The following CFAP61 variants were observed in gnomAD, a reference collection of about 807,000 sequenced individuals.
The protein encoded by CFAP61 is cilia and flagella associated protein 61.
CFAP61 carries 107 observed loss-of-function variants against 135.6 expected under a neutral mutation model. The observed-to-expected ratio is 0.79, with a 90% CI of 0.67 to 0.93. CFAP61 has a LOEUF of 0.93. Among genes scored for constraint, CFAP61 ranks in the 40% least tolerant of loss-of-function variants. The pLI is 0.00. For synonymous variants in CFAP61, 575 were observed against 578.5 expected, an observed-to-expected ratio of 0.99 and a Z score of 0.09; for missense variants, 1,507 against 1,556.2, an observed-to-expected ratio of 0.97 and a Z score of 0.53.
At chr20:20,357,117 G>A (rs1233755581) in intron 26 of CFAP61, among the ~76,000 whole-genome samples, 1 of 116,760 alleles carries the variant, frequency 8.6e-6, no homozygotes, top group African/African-American at 2.9e-5. Flanking sequence ...CATACTGTGA[G>A]TGAGGAGGTA....
rs149012562 is a variant in CFAP61, at chr20:20,093,068, C to CT, written c.699+2093dup. 4.7e-3 allele frequency among the ~76,000 whole-genome samples: 713 copies of CT among 152,320 alleles called. 4 individuals carry two copies. The highest frequency in any genetic ancestry group is 0.016 in the African/African-American group (682 of 41,574). ...CAAAAAGTGGAGACAGCCCAAATGT[C>CT]TATCTACTGATGAATAGATAAACAA... is the stretch of plus-strand genomic sequence containing the variant. On this transcript the variant is annotated intron_variant, in intron 7 of 26. Coordinates refer to ENST00000245957, the MANE Select transcript of CFAP61 (RefSeq NM_015585.4).
chr20:20,266,565 T>A (rs1377166639), intron 21 of CFAP61, among the ~76,000 whole-genome samples: 1 of 152,218 alleles, frequency 6.6e-6, no homozygotes. Context: ...ACTTTTTGCA[T>A]TCGGCCTACC....
At chr20:20,337,571 TGG>T in intron 25 of CFAP61, among the ~76,000 whole-genome samples, 1 of 1,954 alleles carries the variant, frequency 5.1e-4, no homozygotes, top group Non-Finnish European at 5.4e-3. Flanking sequence ...GATGGATGGA[TGG>T]ATGGATAGAT....
At position 20,157,514 on chromosome 20, in the gene CFAP61, T is replaced by C. The variant is rs573664954; in HGVS notation, c.952-1856T>C. 6.6e-5 allele frequency among the ~76,000 whole-genome samples: 10 copies of C among 152,364 alleles called. No individual in the cohort carries two copies. In the South Asian group the frequency reaches 2.1e-3, roughly 32 times the overall value. On this transcript the variant is annotated intron_variant, in intron 9 of 26. Coordinates refer to ENST00000245957, the MANE Select transcript of CFAP61 (RefSeq NM_015585.4). ...TTTTTGACAAAGGCACATGGCAATG[T>C]AGTGGAGAAAGAATAGTCTTTTCTC... is the stretch of plus-strand genomic sequence containing the variant.
At chr20:20,280,681 A>G (rs2147049243) in intron 22 of CFAP61, among the ~76,000 whole-genome samples, 1 of 152,282 alleles carries the variant, frequency 6.6e-6, no homozygotes, top group Non-Finnish European at 1.5e-5. Context: ...CCTGCTATGC[A>G]CATTCTGGTA....
At chr20:20,329,949 C>T (rs950786730) in intron 25 of CFAP61, among the ~76,000 whole-genome samples, 8 of 152,296 alleles carry the variant, frequency 5.3e-5, no homozygotes, top group East Asian at 1.9e-4. Context: ...TTTACATGTC[C>T]GTCATCTCTT....
chr20:20,233,538 T>TGGTGCAGAGGCTGGTCTGGTGGCC (rs1601540403), intron 18 of CFAP61, among the ~76,000 whole-genome samples: 1 of 152,268 alleles, frequency 6.6e-6, no homozygotes, highest in East Asian at 1.9e-4. Context: ...ACATCAGTTC[T>TGGTGCAGAGGCTGGTCTGGTGGCC]GGTGCAGAGG....
At chr20:20,168,738 A>G (rs1278678476) in intron 12 of CFAP61, among the ~76,000 whole-genome samples, 2 of 152,244 alleles carry the variant, frequency 1.3e-5, no homozygotes, top group Non-Finnish European at 2.9e-5. Flanking sequence ...GGCAGCCCTC[A>G]GGACATGCAA....
At chr20:20,284,556 A>AT (rs1245436657) in intron 22 of CFAP61, among the ~76,000 whole-genome samples, 4 of 152,184 alleles carry the variant, frequency 2.6e-5, no homozygotes, top group Admixed American at 2.6e-4. Flanking sequence ...AAGTGTTGGG[A>AT]TTACAGGCAT....
At chr20:20,094,569 GTA>G (rs1397436298) in intron 7 of CFAP61, 3 of 152,252 alleles carry the variant, frequency 2.0e-5, no homozygotes, top group Non-Finnish European at 4.4e-5. Context: ...CTCTCTTGCC[GTA>G]TGTTTCACAC....
chr20:20,071,333 A>G (rs2045692257), intron 3 of CFAP61, among the ~76,000 whole-genome samples: 1 of 152,156 alleles, frequency 6.6e-6, no homozygotes, highest in Non-Finnish European at 1.5e-5. Flanking sequence ...GGTCATTGAT[A>G]TGTTAGGAGA....
Position 20,056,610 on chromosome 20 carries a change from A to G in CFAP61, c.-36-8A>G, listed in dbSNP as rs556769736. 4 of 1,602,192 alleles carry G rather than the reference A, an allele frequency of 2.5e-6. No homozygotes were observed. In the East Asian group the frequency reaches 8.9e-5, roughly 36 times the overall value. ...TAACCAAACTGGCTTATCATATCAG[A>G]TTAATAGTGGACTTTTTTCTCTCTT... On this transcript the variant is annotated splice_region_variant and splice_polypyrimidine_tract_variant and intron_variant, in intron 1 of 26. Coordinates refer to ENST00000245957, the MANE Select transcript of CFAP61 (RefSeq NM_015585.4).
chr20:20,316,891 A>T (rs1428621588), intron 25 of CFAP61: 2 of 126,136 alleles, frequency 1.6e-5, no homozygotes, highest in East Asian at 2.9e-4. Context: ...GAAAAAAACC[A>T]AGGCAGACAG....
intron 7 of CFAP61, among the ~76,000 whole-genome samples, chr20:20,091,768 C>G (rs1191692007): frequency 1.3e-5 from 2 of 152,122 alleles, no homozygotes. Flanking sequence ...ACCTCCGCCT[C>G]TCGGGTTCAA....
At chr20:20,304,304 G>GTGTGT (rs60527341) in intron 25 of CFAP61, among the ~76,000 whole-genome samples, 1 of 134,972 alleles carries the variant, frequency 7.4e-6, no homozygotes, top group Non-Finnish European at 1.5e-5. Context: ...GTGTGTGTGT[G>GTGTGT]AGAGAGAGAG....
At chr20:20,235,350 A>G (rs575459365) in intron 18 of CFAP61, among the ~76,000 whole-genome samples, 5 of 152,138 alleles carry the variant, frequency 3.3e-5, no homozygotes, top group African/African-American at 1.2e-4. Context: ...GCCCAGCAGT[A>G]TGGACATCAC....
intron 25 of CFAP61, among the ~76,000 whole-genome samples, chr20:20,336,733 G>A (rs2122337861): frequency 6.6e-6 from 1 of 152,326 alleles, no homozygotes; most frequent in South Asian, 2.1e-4. Context: ...TAGCCCAAGA[G>A]AGGTAGCCTA....
rs1403335408 is a variant in CFAP61, at chr20:20,089,019, G to A, written c.567-1825G>A. On this transcript the variant is annotated intron_variant, in intron 6 of 26. Coordinates refer to ENST00000245957, the MANE Select transcript of CFAP61 (RefSeq NM_015585.4). ...CAGCTGTGGCAGGATCAGGGGATTCGTTCCTGCAGGGCGCAGGAGGAATGG... is the reference window on the plus strand; with the variant it reads ...CAGCTGTGGCAGGATCAGGGGATTCATTCCTGCAGGGCGCAGGAGGAATGG... Among the ~76,000 whole-genome samples, 7 of 152,220 alleles carry A rather than the reference G, an allele frequency of 4.6e-5. No individual in the cohort carries two copies. In the South Asian group the frequency reaches 8.3e-4, roughly 18 times the overall value.
chr20:20,145,965 G>T (rs1196620374), intron 9 of CFAP61, among the ~76,000 whole-genome samples: 2 of 152,248 alleles, frequency 1.3e-5, no homozygotes, highest in East Asian at 3.8e-4. Flanking sequence ...TAAGGATAAA[G>T]AAGATTTTAA....
Sources: allele counts gnomAD v4.1 joint callset (sites outside exome capture counted in the v4.1 genomes callset), GRCh38; gene constraint gnomAD v4.1.1; transcripts MANE v1.5; gene names NCBI Gene and HGNC (gene_info 2026-07-23, HGNC 2026-07-21).